Variants in PTPRD observed in about 807,000 individuals in gnomAD.
PTPRD encodes protein tyrosine phosphatase receptor type D.
A neutral mutation model predicts 214.5 loss-of-function variants in PTPRD; 34 were observed. That is an observed-to-expected ratio of 0.16 (90% CI 0.12 to 0.21). PTPRD has a LOEUF of 0.21. Among genes scored for constraint, PTPRD ranks in the 10% least tolerant of loss-of-function variants. The pLI is 1.00. For synonymous variants in PTPRD, 1,128 were observed against 845.7 expected (o/e 1.33, Z -5.79); for missense variants, 2,545 against 2,398.7 (o/e 1.06, Z -1.27).
At chr9:8,771,974 C>G (rs973666876) in intron 11 of PTPRD, among the ~76,000 whole-genome samples, 1 of 151,906 alleles carries the variant, frequency 6.6e-6, no homozygotes, top group African/African-American at 2.4e-5. Context: ...AGAATAATTA[C>G]TAAAAAAAGA....
At chr9:9,247,492 G>A (rs1166777701) in intron 9 of PTPRD, among the ~76,000 whole-genome samples, 1 of 152,032 alleles carries the variant, frequency 6.6e-6, no homozygotes, top group African/African-American at 2.4e-5. Context: ...TTATAGGAGT[G>A]TTGGCCTTGA....
chr9:9,308,979 C>G (rs6477389), intron 9 of PTPRD, among the ~76,000 whole-genome samples: 113,417 of 151,922 alleles, frequency 0.75, 42,606 homozygotes, highest in East Asian at 0.92. Context: ...ATATTTAAAT[C>G]TCATTAATAG....
At chr9:8,373,193 G>C (rs1053744715) in intron 39 of PTPRD, among the ~76,000 whole-genome samples, 2 of 151,942 alleles carry the variant, frequency 1.3e-5, no homozygotes, top group African/African-American at 4.8e-5. Context: ...ATTTAAGAAT[G>C]ACTTTAATCT....
intron 10 of PTPRD, among the ~76,000 whole-genome samples, chr9:9,065,620 G>A (rs2099727662): frequency 6.6e-6 from 1 of 152,258 alleles, no homozygotes; most frequent in Middle Eastern, 3.4e-3. Flanking sequence ...TTCTCACCAT[G>A]GGAGAAAATA....
At chr9:8,911,578 A>G (rs1246750976) in intron 11 of PTPRD, among the ~76,000 whole-genome samples, 1 of 152,174 alleles carries the variant, frequency 6.6e-6, no homozygotes, top group African/African-American at 2.4e-5. Flanking sequence ...AGAAGGAAAC[A>G]CAAGAGAAAA....
intron 8 of PTPRD, among the ~76,000 whole-genome samples, chr9:9,412,014 T>C (rs1413715875): frequency 1.3e-5 from 2 of 152,240 alleles, no homozygotes; most frequent in African/African-American, 4.8e-5. Context: ...CCATGTCTTA[T>C]GACCACATTC....
chr9:10,055,624 T>C (rs181813881), intron 3 of PTPRD, among the ~76,000 whole-genome samples: 1 of 152,172 alleles, frequency 6.6e-6, no homozygotes, highest in East Asian at 1.9e-4. Context: ...ATCTGAGATT[T>C]CATTCAACTG....
intron 4 of PTPRD, among the ~76,000 whole-genome samples, chr9:9,940,132 G>C (rs776736480): frequency 6.6e-6 from 1 of 152,150 alleles, no homozygotes; most frequent in Non-Finnish European, 1.5e-5. Context: ...ACCATCTCTA[G>C]ACTTGCAGGG....
At chr9:8,635,801 T>C (rs1243786106) in intron 13 of PTPRD, among the ~76,000 whole-genome samples, 2 of 152,122 alleles carry the variant, frequency 1.3e-5, no homozygotes, top group African/African-American at 4.8e-5. Context: ...ATCCTTCTCA[T>C]GTCTTAAATT....
chr9:9,105,545 C>T (rs190342689), intron 10 of PTPRD, among the ~76,000 whole-genome samples: 54 of 152,306 alleles, frequency 3.5e-4, no homozygotes, highest in African/African-American at 1.2e-3. Flanking sequence ...ATATTGTCTT[C>T]TTCATTCCAG....
At chr9:9,975,381 T>A (rs2095314766) in intron 4 of PTPRD, among the ~76,000 whole-genome samples, 2 of 152,236 alleles carry the variant, frequency 1.3e-5, no homozygotes, top group Non-Finnish European at 2.9e-5. Context: ...TGAGAGCTTT[T>A]CAAAATTTAG....
intron 14 of PTPRD, among the ~76,000 whole-genome samples, chr9:8,588,980 C>T (rs748895177): frequency 6.6e-6 from 1 of 151,848 alleles, no homozygotes; most frequent in African/African-American, 2.4e-5. Flanking sequence ...TAGTGGGTCA[C>T]TATAAACTAA....
intron 4 of PTPRD, among the ~76,000 whole-genome samples, chr9:9,947,830 C>G (rs1004109542): frequency 1.3e-5 from 2 of 149,646 alleles, no homozygotes; most frequent in African/African-American, 2.5e-5. Flanking sequence ...ATGGTGCCTA[C>G]TAAGCTTATT....
intron 10 of PTPRD, among the ~76,000 whole-genome samples, chr9:9,175,906 T>A (rs1214006347): frequency 6.6e-6 from 1 of 152,060 alleles, no homozygotes; most frequent in Non-Finnish European, 1.5e-5. Flanking sequence ...ATGCCCCAAA[T>A]CTGTAGGCCT....
intron 12 of PTPRD, among the ~76,000 whole-genome samples, chr9:8,712,868 G>A (rs541022610): frequency 7.2e-5 from 11 of 152,088 alleles, no homozygotes; most frequent in South Asian, 2.1e-4. Flanking sequence ...ACAGGCACCC[G>A]CCACCACGCC....
At chr9:8,374,717 A>G (rs1362574935) in intron 39 of PTPRD, among the ~76,000 whole-genome samples, 1 of 152,078 alleles carries the variant, frequency 6.6e-6, no homozygotes, top group African/African-American at 2.4e-5. Flanking sequence ...TGAAATTAGT[A>G]AAATACTCTC....
chr9:8,573,349 G>A (rs576254921), intron 14 of PTPRD, among the ~76,000 whole-genome samples: 2 of 151,924 alleles, frequency 1.3e-5, no homozygotes, highest in African/African-American at 4.8e-5. Flanking sequence ...GAAATGAAAA[G>A]ATAGGCAAAG....
At chr9:10,059,179 C>G (rs915548033) in intron 3 of PTPRD, among the ~76,000 whole-genome samples, 5 of 151,968 alleles carry the variant, frequency 3.3e-5, no homozygotes, top group African/African-American at 1.2e-4. Context: ...ATTTTAGTGC[C>G]AGCTGAGTCT....
intron 2 of PTPRD, among the ~76,000 whole-genome samples, chr9:10,354,915 A>C (rs532282622): frequency 6.6e-6 from 1 of 152,322 alleles, no homozygotes; most frequent in African/African-American, 2.4e-5. Flanking sequence ...TGACTTCAGC[A>C]TGTGTCCCAT....
Sources: gnomAD v4.1 joint callset for allele counts (sites outside exome capture counted in the v4.1 genomes callset) on GRCh38, gnomAD v4.1.1 for gene constraint, MANE v1.5 for transcripts, NCBI Gene and HGNC (gene_info 2026-07-23, HGNC 2026-07-21) for gene names.